Variants in ATRNL1 observed in about 807,000 individuals in gnomAD.
ATRNL1 encodes attractin-like protein 1.
In ATRNL1, 95 loss-of-function variants were observed where a neutral mutation model predicts 182.7. The ratio of observed to expected loss-of-function variants is 0.52; its 90% CI spans 0.44 to 0.62. The LOEUF (loss-of-function observed/expected upper bound fraction) is 0.62, where lower values mean the gene tolerates loss of function less well. Ranked by LOEUF, ATRNL1 falls within the 20% of genes least tolerant of loss-of-function variation. The pLI is 0.00. For missense variants in ATRNL1, 1,471 were observed against 1,679.5 expected (o/e 0.88, Z 2.17); for synonymous variants, 576 against 568.3 (o/e 1.01, Z -0.19).
intron 28 of ATRNL1, among the ~76,000 whole-genome samples, chr10:115,912,685 G>GT (rs1431707160): frequency 4.6e-5 from 7 of 151,072 alleles, no homozygotes; most frequent in African/African-American, 1.7e-4. Context: ...TAGATGAATG[G>GT]TAAAAAAAAA....
At chr10:115,299,682 AAGC>A (rs376467220) in intron 15 of ATRNL1, among the ~76,000 whole-genome samples, 3 of 150,304 alleles carry the variant, frequency 2.0e-5, no homozygotes, top group Non-Finnish European at 4.4e-5. Context: ...ATAGTAATAG[AAGC>A]AGCAGCAGCA....
At chr10:115,535,133 T>C (rs1851887869) in intron 25 of ATRNL1, among the ~76,000 whole-genome samples, 1 of 151,186 alleles carries the variant, frequency 6.6e-6, no homozygotes, top group South Asian at 2.1e-4. Flanking sequence ...TCTCTGTATT[T>C]CCTGAATCTG....
chr10:115,295,048 G>T (rs1365167723), intron 15 of ATRNL1, among the ~76,000 whole-genome samples: 2 of 152,154 alleles, frequency 1.3e-5, no homozygotes, highest in African/African-American at 4.8e-5. Context: ...TAGGCATGCA[G>T]TCACTTGGCT....
chr10:115,883,775 G>A (rs1951881261), intron 28 of ATRNL1, among the ~76,000 whole-genome samples: 1 of 152,234 alleles, frequency 6.6e-6, no homozygotes, highest in African/African-American at 2.4e-5. Flanking sequence ...CTGATTTAGG[G>A]GTGAACGTTC....
intron 28 of ATRNL1, among the ~76,000 whole-genome samples, chr10:115,876,545 G>A (rs1231951369): frequency 1.3e-5 from 2 of 152,118 alleles, no homozygotes; most frequent in African/African-American, 2.4e-5. Flanking sequence ...CTGTAATTGT[G>A]TTTCATATTT....
chr10:115,394,591 A>G, intron 19 of ATRNL1, 68 bp from the exon 20 acceptor site: 1 of 1,200,750 alleles, frequency 8.3e-7, no homozygotes, highest in Non-Finnish European at 1.2e-6. Context: ...TAATAATAAT[A>G]CTTGAAATGT....
chr10:115,155,514 T>C (rs1846469771), intron 5 of ATRNL1, among the ~76,000 whole-genome samples: 1 of 152,138 alleles, frequency 6.6e-6, no homozygotes, highest in African/African-American at 2.4e-5. Flanking sequence ...CTTAGAGAAA[T>C]TAGGTAAGTT....
At chr10:115,108,674 C>T (rs1332464819) in intron 1 of ATRNL1, among the ~76,000 whole-genome samples, 2 of 152,146 alleles carry the variant, frequency 1.3e-5, no homozygotes, top group African/African-American at 4.8e-5. Flanking sequence ...AGGATGGAGC[C>T]ACCATTTTGA....
chr10:115,633,243 C>T lies in ATRNL1; in HGVS notation c.3795+83707C>T, dbSNP rs374579599. 2.5e-4 allele frequency among the ~76,000 whole-genome samples: 38 copies of T among 152,246 alleles called. 1 individual carries two copies. The South Asian group carries it at 7.7e-3, about 31-fold the overall frequency. On this transcript the variant is annotated intron_variant, in intron 26 of 28. Transcript: ENST00000355044. ...AATATTTTAAGCGACAATCTTCTTG[C>T]CCATTATTCACTGCAAAAATGCATA...
At chr10:115,371,720 T>G (rs1857405920) in intron 19 of ATRNL1, among the ~76,000 whole-genome samples, 1 of 152,218 alleles carries the variant, frequency 6.6e-6, no homozygotes, top group Non-Finnish European at 1.5e-5. Context: ...CTGTGGACTT[T>G]TCAGTTAATG....
intron 5 of ATRNL1, among the ~76,000 whole-genome samples, chr10:115,151,871 A>T (rs1408534705): frequency 6.6e-6 from 1 of 152,142 alleles, no homozygotes; most frequent in Admixed American, 6.5e-5. Flanking sequence ...TCTTTAATTC[A>T]TCTTGAATTA....
intron 26 of ATRNL1, among the ~76,000 whole-genome samples, chr10:115,678,654 A>G (rs966062147): frequency 7.9e-5 from 12 of 152,108 alleles, no homozygotes; most frequent in African/African-American, 2.9e-4. Flanking sequence ...TATTTGTCTT[A>G]TATTATCTGT....
At position 115,241,722 on chromosome 10, in the gene ATRNL1, A is replaced by G; in HGVS notation, c.1684A>G (p.Ile562Val). 1.9e-6 allele frequency: 3 copies of G among 1,608,260 alleles called. No individual in the cohort carries two copies. Among genetic ancestry groups the G allele is most frequent in the African/African-American group, 1.3e-5 (1 of 74,984 alleles). Residue 562 changes from isoleucine (I) to valine (V), a missense_variant, in exon 10 of 29, where the codon ATA becomes GTA. Around this residue, in one of 3 missense-constraint regions of ATRNL1, gnomAD observed 1,031 missense variants for 1,156.0 expected, o/e 0.89. Transcript: ENST00000355044. ...CFSADFLAYD[I>V]ACDEWKILPK... The stretch of plus-strand genomic sequence containing the variant: ...TTCTGCCGATTTCCTGGCATATGAC[A>G]TAGGTATGTATCTGTTAGGATTGTA...
intron 20 of ATRNL1, among the ~76,000 whole-genome samples, chr10:115,398,019 G>A (rs757087256): frequency 2.0e-5 from 3 of 152,026 alleles, no homozygotes; most frequent in Admixed American, 6.6e-5. Context: ...GATATTTGGC[G>A]GGGATTAGGT....
intron 17 of ATRNL1, among the ~76,000 whole-genome samples, chr10:115,304,856 C>T (rs1398425536): frequency 6.6e-6 from 1 of 152,158 alleles, no homozygotes; most frequent in Non-Finnish European, 1.5e-5. Flanking sequence ...TTTCTAATGG[C>T]TTGCATATGC....
chr10:115,393,970 A>T (rs1844162328), intron 19 of ATRNL1, among the ~76,000 whole-genome samples: 1 of 152,182 alleles, frequency 6.6e-6, no homozygotes, highest in Non-Finnish European at 1.5e-5. Flanking sequence ...GGATGATCTA[A>T]AAAGATCTAA....
chr10:115,800,147 C>T (rs1202464483), intron 27 of ATRNL1, among the ~76,000 whole-genome samples: 1 of 151,204 alleles, frequency 6.6e-6, no homozygotes, highest in Non-Finnish European at 1.5e-5. Context: ...TTGAACCCCA[C>T]GAGATGGAGG....
At chr10:115,917,092 G>A (rs561190095) in intron 28 of ATRNL1, among the ~76,000 whole-genome samples, 2 of 152,298 alleles carry the variant, frequency 1.3e-5, no homozygotes, top group Admixed American at 6.5e-5. Flanking sequence ...CCTTGTCAGC[G>A]CTTTGAGATG....
chr10:115,178,675 C>T (rs374952789), intron 8 of ATRNL1, among the ~76,000 whole-genome samples: 1 of 152,048 alleles, frequency 6.6e-6, no homozygotes, highest in East Asian at 1.9e-4. Flanking sequence ...TAGTGCCTTA[C>T]AAAAAGTGCT....
Sources: allele counts gnomAD v4.1 joint callset (sites outside exome capture counted in the v4.1 genomes callset), GRCh38; gene constraint gnomAD v4.1.1; regional missense constraint gnomAD v4.1.1; transcripts MANE v1.5; gene names NCBI Gene and HGNC (gene_info 2026-07-23, HGNC 2026-07-21).